NBAS: variants seen among roughly 807,000 people sequenced by gnomAD.
NBAS encodes NBAS subunit of NRZ tethering complex.
A neutral mutation model predicts 302.5 loss-of-function variants in NBAS; 219 were observed. The observed-to-expected ratio is 0.72, with a 90% CI of 0.65 to 0.81. NBAS has a LOEUF of 0.81. Among genes scored for constraint, NBAS ranks in the 30% least tolerant of loss-of-function variants. NBAS has a pLI of 0.00. For missense variants in NBAS, 2,932 were observed against 2,841.6 expected (o/e 1.03, Z -0.72); for synonymous variants, 1,118 against 1,021.6 (o/e 1.09, Z -1.80).
rs193164671 is a variant in NBAS at position 15,439,956 on chromosome 2, G to A, written c.2340-12162C>T. On this transcript the variant is annotated intron_variant, in intron 21 of 51. Coordinates refer to ENST00000281513, the MANE Select transcript of NBAS (RefSeq NM_015909.4). ...CAAGGCGGCAGTGAGGCTGGGGGAGGGGCAACCGCCATTGCCCAGACTTGC... is the reference window on the plus strand; with the variant it reads ...CAAGGCGGCAGTGAGGCTGGGGGAGAGGCAACCGCCATTGCCCAGACTTGC... Among the ~76,000 whole-genome samples, 1,237 of 152,374 alleles carry A rather than the reference G, an allele frequency of 8.1e-3. 18 individuals carry two copies. Among genetic ancestry groups the A allele is most frequent in the Non-Finnish European group, 9.8e-3 (669 of 68,036 alleles).
chr2:15,502,247 C>A (rs1411772086), intron 11 of NBAS, among the ~76,000 whole-genome samples: 1 of 152,140 alleles, frequency 6.6e-6, no homozygotes, highest in Non-Finnish European at 1.5e-5. Flanking sequence ...GTAGGTAATG[C>A]AAACTTCCTG....
the NBAS span, among the ~76,000 whole-genome samples, chr2:15,059,353 A>AT: frequency 4.0e-5 from 6 of 151,896 alleles, no homozygotes; most frequent in African/African-American, 1.2e-4. Context: ...TTATTTGTGG[A>AT]TTTTTTCTTT....
chr2:14,978,262 C>T, the NBAS span, among the ~76,000 whole-genome samples: 2 of 152,086 alleles, frequency 1.3e-5, no homozygotes, highest in African/African-American at 4.8e-5. Context: ...TTTTTTAAAC[C>T]TCCTTCAGAG....
At chr2:14,895,206 C>A in the NBAS span, among the ~76,000 whole-genome samples, 1 of 152,054 alleles carries the variant, frequency 6.6e-6, no homozygotes, top group Non-Finnish European at 1.5e-5. Context: ...AAGAGAGGGA[C>A]AGATAACTGT....
chr2:15,509,005 C>T (rs1194650483), intron 10 of NBAS, among the ~76,000 whole-genome samples: 1 of 152,084 alleles, frequency 6.6e-6, no homozygotes, highest in Non-Finnish European at 1.5e-5. Flanking sequence ...GAAACTTCTT[C>T]AGACTCTAAG....
chr2:15,341,402 G>A (rs200868518), intron 35 of NBAS, among the ~76,000 whole-genome samples: 3 of 148,130 alleles, frequency 2.0e-5, no homozygotes, highest in Admixed American at 6.7e-5. Flanking sequence ...ATAAATAAAT[G>A]AATAAATAAA....
At chr2:14,844,479 T>C in the NBAS span, among the ~76,000 whole-genome samples, 2 of 152,140 alleles carry the variant, frequency 1.3e-5, no homozygotes, top group Admixed American at 6.5e-5. Context: ...TTCCCAGCTA[T>C]GGTAGCTATG....
At chr2:15,551,168 C>T (rs6431712) in intron 6 of NBAS, among the ~76,000 whole-genome samples, 96,867 of 151,864 alleles carry the variant, frequency 0.64, 31,615 homozygotes, top group Non-Finnish European at 0.68. Context: ...TCCTAGACTT[C>T]TTACTAGTCT....
At chr2:15,089,628 C>T in the NBAS span, among the ~76,000 whole-genome samples, 1 of 152,088 alleles carries the variant, frequency 6.6e-6, no homozygotes, top group Admixed American at 6.6e-5. Flanking sequence ...GCAGCTCCCA[C>T]CCAGCTCCAG....
At chr2:15,094,982 G>A in the NBAS span, among the ~76,000 whole-genome samples, 7 of 152,066 alleles carry the variant, frequency 4.6e-5, no homozygotes, top group Non-Finnish European at 7.4e-5. Flanking sequence ...TAACATGTAT[G>A]CCCCATATTT....
chr2:15,351,728 A>T (rs1673365489), intron 35 of NBAS, among the ~76,000 whole-genome samples: 1 of 152,098 alleles, frequency 6.6e-6, no homozygotes, highest in Non-Finnish European at 1.5e-5. Context: ...GAAGGTGGTT[A>T]GGTACTGCTT....
the NBAS span, among the ~76,000 whole-genome samples, chr2:14,946,106 A>T: frequency 6.6e-6 from 1 of 152,168 alleles, no homozygotes; most frequent in Non-Finnish European, 1.5e-5. Flanking sequence ...ACCAAATCTA[A>T]GAATTACTGG....
intron 44 of NBAS, among the ~76,000 whole-genome samples, chr2:15,257,923 C>T (rs1668675906): frequency 6.6e-6 from 1 of 152,172 alleles, no homozygotes; most frequent in African/African-American, 2.4e-5. Flanking sequence ...CAATCACAAT[C>T]TAACAATAGT....
At chr2:15,376,567 A>C (rs1037496535) in intron 30 of NBAS, among the ~76,000 whole-genome samples, 5 of 152,224 alleles carry the variant, frequency 3.3e-5, no homozygotes, top group Non-Finnish European at 7.3e-5. Flanking sequence ...TTTGTGAAAC[A>C]TAATTCCTTC....
At chr2:14,965,761 T>C in the NBAS span, among the ~76,000 whole-genome samples, 1 of 117,776 alleles carries the variant, frequency 8.5e-6, no homozygotes, top group Non-Finnish European at 1.9e-5. Context: ...TGAATATAAA[T>C]GCAAAATTCT....
intron 35 of NBAS, among the ~76,000 whole-genome samples, chr2:15,332,235 C>A (rs1672386367): frequency 6.6e-6 from 1 of 152,154 alleles, no homozygotes; most frequent in Non-Finnish European, 1.5e-5. Flanking sequence ...AAGAACACAG[C>A]CTTGTCGGCA....
chr2:15,507,817 T>C (rs536029432), intron 10 of NBAS, among the ~76,000 whole-genome samples: 1 of 152,240 alleles, frequency 6.6e-6, no homozygotes, highest in Non-Finnish European at 1.5e-5. Context: ...AATAAATGAA[T>C]AAATAAAACT....
intron 46 of NBAS, among the ~76,000 whole-genome samples, chr2:15,234,174 C>A (rs1667492317): frequency 6.6e-6 from 1 of 152,146 alleles, no homozygotes; most frequent in African/African-American, 2.4e-5. Context: ...ACCATTTTCC[C>A]ACTACTACAA....
intron 47 of NBAS, among the ~76,000 whole-genome samples, chr2:15,229,995 GTA>G (rs1402844944): frequency 6.6e-6 from 1 of 152,086 alleles, no homozygotes; most frequent in Non-Finnish European, 1.5e-5. Flanking sequence ...ATCTGAAGAT[GTA>G]TATGAGTGAG....
Sources: allele counts gnomAD v4.1 joint callset (sites outside exome capture counted in the v4.1 genomes callset), GRCh38; gene constraint gnomAD v4.1.1; transcripts MANE v1.5; gene names NCBI Gene and HGNC (gene_info 2026-07-23, HGNC 2026-07-21).